Variants in UBR3 observed in about 807,000 individuals in gnomAD.
UBR3 encodes ubiquitin protein ligase E3 component n-recognin 3.
Under a neutral mutation model 243.2 loss-of-function variants are expected in UBR3, and 85 were observed. That is an observed-to-expected ratio of 0.35 (90% confidence interval 0.29 to 0.42). UBR3 has a LOEUF of 0.42. UBR3 is among the 10% of genes least tolerant of loss of function. The probability of loss-of-function intolerance (pLI) is 1.00; values close to 1 mark genes in which losing one functional copy is unlikely to be tolerated. For synonymous variants in UBR3, 748 were observed against 799.8 expected (o/e 0.94, Z 1.09); for missense variants, 1,686 against 2,300.8 (o/e 0.73, Z 5.47).
chr2:169,918,156 T>C (rs2105341597), intron 11 of UBR3, among the ~76,000 whole-genome samples: 1 of 152,288 alleles, frequency 6.6e-6, no homozygotes, highest in Non-Finnish European at 1.5e-5. Flanking sequence ...TGGAACTCCT[T>C]GTCTGGTAAT....
intron 24 of UBR3, among the ~76,000 whole-genome samples, chr2:169,969,193 G>T (rs1255508274): frequency 6.6e-6 from 1 of 152,098 alleles, no homozygotes; most frequent in Non-Finnish European, 1.5e-5. Flanking sequence ...CTTTCTAGCT[G>T]ATATAACCCC....
chr2:170,019,600 G>A (rs1384220720), intron 30 of UBR3, among the ~76,000 whole-genome samples: 5 of 152,132 alleles, frequency 3.3e-5, no homozygotes, highest in African/African-American at 9.6e-5. Context: ...TGGGAGGATC[G>A]CTTAAGCCCA....
At chr2:169,946,841 G>T (rs935796046) in intron 21 of UBR3, among the ~76,000 whole-genome samples, 1 of 151,988 alleles carries the variant, frequency 6.6e-6, no homozygotes, top group Non-Finnish European at 1.5e-5. Context: ...GATTATTTTT[G>T]AGTAACAAAT....
At chr2:169,947,752 T>A in intron 22 of UBR3, 37 bp downstream of exon 22, 10 of 1,410,702 alleles carry the variant, frequency 7.1e-6, no homozygotes, top group Non-Finnish European at 9.3e-6. Flanking sequence ...AAGAAAAAGC[T>A]TTATGTTATG....
Position 169,925,800 on chromosome 2 carries a change from A to G in UBR3, c.2151+53A>G, listed in dbSNP as rs867135068. The G allele has an allele frequency of 4.9e-6, 7 of 1,430,356 alleles. No individual in the cohort carries two copies. In the Middle Eastern group the frequency reaches 1.3e-3, roughly 259 times the overall value. The allele number at this position is 1,430,356 out of a possible 1,614,324, so 88.6% of individuals were successfully genotyped here. ...CTTTAGAAGTGTCTCATTTGTACCC[A>G]AGGGATTTTAATTTATAGAGGTGAC... On this transcript the variant is annotated intron_variant, in intron 14 of 38. Transcript: ENST00000272793.
chr2:169,831,489 G>A (rs1411743894), intron 1 of UBR3, among the ~76,000 whole-genome samples: 1 of 152,040 alleles, frequency 6.6e-6, no homozygotes, highest in Non-Finnish European at 1.5e-5. Flanking sequence ...ATCTTTGTCT[G>A]AAACCAGAGC....
chr2:170,061,967 A>G (rs2091466793), intron 35 of UBR3, among the ~76,000 whole-genome samples: 1 of 152,158 alleles, frequency 6.6e-6, no homozygotes, highest in Admixed American at 6.6e-5. Flanking sequence ...GCAGCTTTGG[A>G]TTAGATCAAT....
At chr2:169,937,478 G>C (rs1236906473) in intron 19 of UBR3, among the ~76,000 whole-genome samples, 3 of 152,160 alleles carry the variant, frequency 2.0e-5, no homozygotes, top group African/African-American at 7.2e-5. Flanking sequence ...TCTGATGGTA[G>C]TTTCTTTTGC....
intron 26 of UBR3, 39 bp from the exon 27 acceptor site, chr2:170,001,265 T>C: frequency 7.0e-7 from 1 of 1,429,908 alleles, no homozygotes; most frequent in Non-Finnish European, 9.8e-7. Context: ...TTTGTACTTC[T>C]TTAAAATTAA....
chr2:169,884,173 T>TG (rs1396642635), intron 5 of UBR3, among the ~76,000 whole-genome samples: 1 of 149,434 alleles, frequency 6.7e-6, no homozygotes, highest in East Asian at 1.9e-4. Flanking sequence ...TTTTTTTTTT[T>TG]GAGACGGAGT....
At chr2:169,882,815 G>T (rs1285460659) in intron 5 of UBR3, among the ~76,000 whole-genome samples, 1 of 151,952 alleles carries the variant, frequency 6.6e-6, no homozygotes, top group Non-Finnish European at 1.5e-5. Context: ...CAATTCAAGG[G>T]TTATAAAAAT....
intron 26 of UBR3, among the ~76,000 whole-genome samples, chr2:169,997,907 C>T (rs1468343417): frequency 6.6e-6 from 1 of 152,134 alleles, no homozygotes; most frequent in African/African-American, 2.4e-5. Flanking sequence ...GTTCTCACTC[C>T]AGTCATGGAT....
At chr2:170,000,895 T>C (rs16857384) in intron 26 of UBR3, among the ~76,000 whole-genome samples, 14,476 of 150,478 alleles carry the variant, frequency 0.096, 831 homozygotes, top group African/African-American at 0.16. Context: ...ACCGAGAGAG[T>C]AGCATTAAAC....
intron 25 of UBR3, among the ~76,000 whole-genome samples, chr2:169,988,077 C>G (rs905759300): frequency 1.3e-5 from 2 of 152,164 alleles, no homozygotes; most frequent in Non-Finnish European, 2.9e-5. Context: ...CTGTCCAAAT[C>G]AGAAATGCTT....
At position 169,914,080 on chromosome 2, in the gene UBR3, A is replaced by G. The variant is rs1374168560; in HGVS notation, c.1800A>G (p.Arg600=). 6.7e-7 allele frequency: 1 copy of G among 1,502,128 alleles called. No individual in the cohort carries two copies. The highest frequency in any genetic ancestry group is 2.2e-5 in the Admixed American group (1 of 45,188). 93.0% of individuals were successfully genotyped at this position (1,502,128 alleles called of 1,614,324 possible). Residue 600 remains arginine (R), a synonymous_variant, in exon 11 of 39, where the codon CGA becomes CGG. Transcript: ENST00000272793. ...CKVRETQEYT[R]NVVRYCLEAL... The stretch of plus-strand genomic sequence containing the variant: ...TTTAGGAAACTCAAGAGTATACCCG[A>G]AATGTTGTTAGATATTGCCTTGAAG...
chr2:170,009,347 AG>A (rs936239120), intron 29 of UBR3, among the ~76,000 whole-genome samples: 4 of 152,194 alleles, frequency 2.6e-5, no homozygotes, highest in African/African-American at 9.6e-5. Flanking sequence ...TGTTTTAAAT[AG>A]AAACCGAAAA....
intron 1 of UBR3, among the ~76,000 whole-genome samples, chr2:169,835,735 G>A (rs754479234): frequency 2.0e-5 from 3 of 151,834 alleles, no homozygotes; most frequent in East Asian, 1.9e-4. Context: ...GCCACCGTGC[G>A]TGGCCTAATT....
intron 32 of UBR3, among the ~76,000 whole-genome samples, chr2:170,053,151 C>T (rs566432559): frequency 1.3e-4 from 20 of 152,320 alleles, no homozygotes; most frequent in Admixed American, 3.9e-4. Context: ...TAGGCCTTGA[C>T]TAGCATCTGG....
intron 1 of UBR3, among the ~76,000 whole-genome samples, chr2:169,842,013 G>A (rs988077730): frequency 4.6e-5 from 7 of 152,246 alleles, no homozygotes; most frequent in Non-Finnish European, 1.0e-4. Flanking sequence ...TGGTGGGGAC[G>A]TGGAGAGTCT....
Sources: allele counts gnomAD v4.1 joint callset (sites outside exome capture counted in the v4.1 genomes callset), GRCh38; gene constraint gnomAD v4.1.1; transcripts MANE v1.5; gene names NCBI Gene and HGNC (gene_info 2026-07-23, HGNC 2026-07-21).